CEP128: variants seen among roughly 807,000 people sequenced by gnomAD.
CEP128 encodes the protein centrosomal protein 128kDa.
In CEP128, 132 loss-of-function variants were observed where a neutral mutation model predicts 156.7. The observed-to-expected ratio is 0.84, with a 90% CI of 0.73 to 0.97. The LOEUF is 0.97. Ranked by LOEUF, CEP128 falls within the 50% of genes least tolerant of loss-of-function variation. The probability of loss-of-function intolerance (pLI) is 0.00; values close to 1 mark genes in which losing one functional copy is unlikely to be tolerated. For synonymous variants in CEP128, 469 were observed against 448.9 expected, an observed-to-expected ratio of 1.04 and a Z score of -0.57; for missense variants, 1,252 against 1,281.9, an observed-to-expected ratio of 0.98 and a Z score of 0.36.
intron 19 of CEP128, among the ~76,000 whole-genome samples, chr14:80,587,511 G>A (rs182388633): frequency 2.0e-5 from 3 of 152,118 alleles, no homozygotes; most frequent in East Asian, 3.9e-4. Context: ...TTTCCACTTC[G>A]ACAACCTTAG....
intron 16 of CEP128, among the ~76,000 whole-genome samples, chr14:80,767,444 A>G (rs1184392755): frequency 6.6e-5 from 10 of 152,156 alleles, no homozygotes; most frequent in Admixed American, 6.5e-4. Context: ...ATATCAAAAA[A>G]TAAACAAGAC....
At chr14:80,536,750 C>T (rs551024886) in intron 21 of CEP128, among the ~76,000 whole-genome samples, 1 of 152,248 alleles carries the variant, frequency 6.6e-6, no homozygotes, top group Non-Finnish European at 1.5e-5. Flanking sequence ...GAATAGGCCA[C>T]CGAAGTCACG....
intron 21 of CEP128, among the ~76,000 whole-genome samples, chr14:80,534,320 A>G (rs760516657): frequency 6.6e-6 from 1 of 152,182 alleles, no homozygotes; most frequent in Non-Finnish European, 1.5e-5. Context: ...CCCAAAGCTC[A>G]CAGCCAGAGA....
chr14:80,759,230 A>C (rs1899833262), intron 17 of CEP128, among the ~76,000 whole-genome samples: 1 of 152,166 alleles, frequency 6.6e-6, no homozygotes, highest in Non-Finnish European at 1.5e-5. Context: ...GAAAAAGAAA[A>C]ATGTAACTAA....
chr14:80,947,534 C>T (rs138663625), intron 2 of CEP128, among the ~76,000 whole-genome samples: 22 of 152,320 alleles, frequency 1.4e-4, no homozygotes, highest in African/African-American at 5.3e-4. Flanking sequence ...GGCAACAACA[C>T]AGCATTAAAC....
chr14:80,698,634 T>C (rs1896966200), intron 19 of CEP128, among the ~76,000 whole-genome samples: 1 of 152,138 alleles, frequency 6.6e-6, no homozygotes, highest in Non-Finnish European at 1.5e-5. Flanking sequence ...TTTTCAAAAA[T>C]TAAAGGAGTC....
rs1013961872 is a variant in CEP128, at chr14:80,894,175, C to T, written c.645+1543G>A. Among the ~76,000 whole-genome samples, 9 of 151,852 alleles carry T rather than the reference C, an allele frequency of 5.9e-5. No individual in the cohort carries two copies. In the South Asian group the frequency reaches 1.7e-3, roughly 28 times the overall value. On this transcript the variant is annotated intron_variant, in intron 8 of 24. Coordinates refer to ENST00000555265, the MANE Select transcript of CEP128 (RefSeq NM_152446.5). Reference sequence around the variant, plus strand: ...TTAAACTGGATTAAAATTCAATAGACGGTCCCATTAAGAACATTATAAAAA... The same window carrying T: ...TTAAACTGGATTAAAATTCAATAGATGGTCCCATTAAGAACATTATAAAAA...
intron 13 of CEP128, among the ~76,000 whole-genome samples, chr14:80,808,988 A>G (rs146740114): frequency 2.0e-3 from 311 of 152,308 alleles, no homozygotes; most frequent in Admixed American, 3.6e-3. Context: ...CCTTCAAAGG[A>G]AAACAGTAAT....
chr14:80,906,643 A>C (rs1239705254), intron 4 of CEP128, among the ~76,000 whole-genome samples: 1 of 152,204 alleles, frequency 6.6e-6, no homozygotes, highest in African/African-American at 2.4e-5. Flanking sequence ...CACACTAAGA[A>C]CTACAGTTGT....
chr14:80,514,728 T>C (rs1888409046), intron 23 of CEP128: 1 of 355,210 alleles, frequency 2.8e-6, no homozygotes, highest in South Asian at 2.2e-5. Context: ...TGGTGTGTTA[T>C]TTAGTTTGTC....
chr14:80,493,055 A>G (rs1887377416), downstream of CEP128, among the ~76,000 whole-genome samples: 1 of 152,164 alleles, frequency 6.6e-6, no homozygotes, highest in African/African-American at 2.4e-5. Flanking sequence ...CCAATATCTA[A>G]GGATAAATTG....
chr14:80,745,200 A>G (rs1434226963), intron 18 of CEP128, among the ~76,000 whole-genome samples: 1 of 152,030 alleles, frequency 6.6e-6, no homozygotes, highest in Non-Finnish European at 1.5e-5. Flanking sequence ...GTAGCACTTC[A>G]TCCTTTGCTC....
chr14:80,690,913 A>C (rs1394302466), intron 19 of CEP128, among the ~76,000 whole-genome samples: 1 of 152,208 alleles, frequency 6.6e-6, no homozygotes, highest in Non-Finnish European at 1.5e-5. Flanking sequence ...AATATTTGCC[A>C]CATAAGTTAA....
chr14:80,781,384 G>A (rs1377074117), intron 15 of CEP128, among the ~76,000 whole-genome samples: 4 of 150,586 alleles, frequency 2.7e-5, no homozygotes, highest in African/African-American at 9.8e-5. Flanking sequence ...TTGAACCCGG[G>A]AGGCGGAAGC....
At chr14:80,959,247 C>G (rs1295793905) in intron 1 of CEP128, among the ~76,000 whole-genome samples, 1 of 152,088 alleles carries the variant, frequency 6.6e-6, no homozygotes, top group Non-Finnish European at 1.5e-5. Flanking sequence ...GCCAGTGGAA[C>G]ATTCTAGAAT....
chr14:80,657,295 T>C (rs1895215742), intron 19 of CEP128, among the ~76,000 whole-genome samples: 2 of 152,084 alleles, frequency 1.3e-5, no homozygotes, highest in South Asian at 4.2e-4. Context: ...CTTGTCATTT[T>C]TCCTAAAAGG....
chr14:80,872,177 C>T (rs1888061039), intron 8 of CEP128, among the ~76,000 whole-genome samples: 1 of 152,102 alleles, frequency 6.6e-6, no homozygotes. Flanking sequence ...AATCAAATAA[C>T]ATGCAGTCAT....
intron 21 of CEP128, 31 bp downstream of exon 21, chr14:80,559,248 A>G: frequency 6.3e-7 from 1 of 1,594,966 alleles, no homozygotes; most frequent in African/African-American, 1.3e-5. Context: ...AGTAATTCTG[A>G]TAAAAGGAGA....
At chr14:80,950,901 A>C (rs1220391545) in intron 2 of CEP128, among the ~76,000 whole-genome samples, 1 of 104,696 alleles carries the variant, frequency 9.6e-6, no homozygotes, top group Non-Finnish European at 1.8e-5. Flanking sequence ...AAGCATCCCG[A>C]GTAAGAAAAA....
Sources: allele counts gnomAD v4.1 joint callset (sites outside exome capture counted in the v4.1 genomes callset), GRCh38; gene constraint gnomAD v4.1.1; transcripts MANE v1.5; gene names NCBI Gene and HGNC (gene_info 2026-07-23, HGNC 2026-07-21).